Variants in TTC39C observed in about 807,000 individuals in gnomAD.
TTC39C encodes tetratricopeptide repeat domain 39C, also known as tetratricopeptide repeat protein 39C.
A neutral mutation model predicts 76.3 loss-of-function variants in TTC39C; 33 were observed. That is an observed-to-expected ratio of 0.43 (90% confidence interval 0.33 to 0.58). The LOEUF is 0.58. TTC39C is among the 20% of genes least tolerant of loss of function. The pLI is 0.04. For synonymous variants in TTC39C, 254 were observed against 260.6 expected (o/e 0.97, Z 0.24); for missense variants, 595 against 701.4 (o/e 0.85, Z 1.71).
intron 1 of TTC39C, among the ~76,000 whole-genome samples, chr18:24,036,527 G>A (rs534252505): frequency 2.0e-5 from 3 of 152,324 alleles, no homozygotes; most frequent in African/African-American, 4.8e-5. Context: ...TTGTTAGTGT[G>A]TAGAAATACA....
Position 24,080,934 on chromosome 18 carries a change from A to AGCT in TTC39C, c.811_813dup (p.Ala271dup). On this transcript the variant is annotated inframe_insertion, in exon 5 of 14. Coordinates refer to ENST00000317571, the MANE Select transcript of TTC39C (RefSeq NM_001135993.2). ...AAAGTAAGGACATGAAGGCCCCTTT[A>AGCT]GCTACGTGAGTAGCTGTATTGCAAT... 1 of 1,610,788 alleles carries AGCT rather than the reference A, an allele frequency of 6.2e-7. No homozygotes were observed. Among genetic ancestry groups the AGCT allele is most frequent in the South Asian group, 1.1e-5 (1 of 90,632 alleles).
chr18:24,043,400 T>C (rs539902832), intron 1 of TTC39C, among the ~76,000 whole-genome samples: 67 of 152,258 alleles, frequency 4.4e-4, no homozygotes, highest in African/African-American at 1.6e-3. Context: ...CATTCTTTTT[T>C]CCCTACCCCT....
chr18:24,120,909 A>G (rs984336642), intron 8 of TTC39C: 6 of 152,208 alleles, frequency 3.9e-5, no homozygotes, highest in African/African-American at 1.2e-4. Flanking sequence ...CATTGCATGT[A>G]TATGGCACAT....
rs1223802758 is a variant in TTC39C, at chr18:24,116,663, A to G, written c.1079-1462A>G. ...CTCTTCCTCCCACGGTTTAAATGGC[A>G]AGTCTCAGTTTACACAATTACTTAG... On this transcript the variant is annotated intron_variant, in intron 7 of 13. Transcript: ENST00000317571. Among the ~76,000 whole-genome samples the G allele has an allele frequency of 2.0e-5, 3 of 152,300 alleles. No homozygotes were observed. The South Asian group carries it at 6.2e-4, about 32-fold the overall frequency.
chr18:24,023,969 TATATATATATAC>T (rs1568408874), intron 1 of TTC39C, among the ~76,000 whole-genome samples: 684 of 13,800 alleles, frequency 0.05, 153 homozygotes, highest in Non-Finnish European at 0.12. Context: ...TATATATATA[TATATATATATAC>T]ATATATATAT....
At chr18:24,007,365 T>G (rs2083362041) in intron 1 of TTC39C, among the ~76,000 whole-genome samples, 1 of 138,272 alleles carries the variant, frequency 7.2e-6, no homozygotes. Flanking sequence ...AACTCTAAAA[T>G]GTAGATATTT....
At chr18:24,105,505 T>C (rs1051622066) in intron 6 of TTC39C, among the ~76,000 whole-genome samples, 1 of 152,222 alleles carries the variant, frequency 6.6e-6, no homozygotes, top group East Asian at 1.9e-4. Context: ...CACACACACA[T>C]GCCTGCACAT....
At chr18:24,014,621 G>A, upstream of TTC39C, 1 of 377,910 alleles carries the variant, frequency 2.6e-6, no homozygotes, top group Non-Finnish European at 4.2e-6. Context: ...CGCGAGAGGA[G>A]CGGGCGGGTG....
At chr18:24,065,886 A>T (rs142108175) in intron 2 of TTC39C, 126 bp from the exon 3 acceptor site, 1 of 985,784 alleles carries the variant, frequency 1.0e-6, no homozygotes, top group East Asian at 2.9e-5. Flanking sequence ...ATGCTGTAAC[A>T]TTGTGATTCT....
chr18:24,092,123 A>AAAAAAATAAT (rs1555775346), intron 6 of TTC39C, among the ~76,000 whole-genome samples: 1 of 50,526 alleles, frequency 2.0e-5, no homozygotes, highest in Non-Finnish European at 4.6e-5. Flanking sequence ...AAAAAAAAAA[A>AAAAAAATAAT]AATAATAATA....
rs974025172 is a variant in TTC39C at position 24,080,839 on chromosome 18, A to C, written c.715A>C (p.Lys239Gln). The change falls in exon 5 of 14, where the codon AAA becomes CAA. Residue 239 changes from lysine to glutamine, a missense_variant. By Grantham distance (53) the Lys-to-Gln change is moderately conservative (BLOSUM62 1). Coordinates refer to ENST00000317571, the MANE Select transcript of TTC39C (RefSeq NM_001135993.2). ...ATCCATGGTGCCCCCAAACCTGCTC[A>C]AAATCATCAACCTGCTGGGTTTTCC... ...CISMVPPNLL[K>Q]IINLLGFPGD... 6.8e-6 allele frequency: 11 copies of C among 1,614,026 alleles called. No homozygotes were observed. In the African/African-American group the frequency reaches 1.2e-4, roughly 18 times the overall value.
At chr18:24,001,397 T>A (rs1214589466) in intron 1 of TTC39C, among the ~76,000 whole-genome samples, 7 of 152,212 alleles carry the variant, frequency 4.6e-5, no homozygotes, top group Admixed American at 1.3e-4. Context: ...TGATTCTAGA[T>A]ATTCGCTCTC....
chr18:24,021,883 G>A (rs2083522014), intron 1 of TTC39C, among the ~76,000 whole-genome samples: 1 of 152,156 alleles, frequency 6.6e-6, no homozygotes, highest in Non-Finnish European at 1.5e-5. Context: ...AAAAGTCTGT[G>A]TTCACAGAGT....
chr18:24,021,631 C>T (rs566575000), intron 1 of TTC39C, among the ~76,000 whole-genome samples: 17 of 151,146 alleles, frequency 1.1e-4, no homozygotes, highest in African/African-American at 2.9e-4. Context: ...CTGCAACCTC[C>T]GCCTCCTGGG....
At chr18:24,122,514 A>AAAAAAAAAT (rs1422270934) in intron 8 of TTC39C, among the ~76,000 whole-genome samples, 3 of 150,722 alleles carry the variant, frequency 2.0e-5, no homozygotes, top group Non-Finnish European at 4.4e-5. Context: ...AAAAAAAAAA[A>AAAAAAAAAT]AAAAAAGAAG....
At chr18:24,073,985 A>T (rs1450724040) in intron 4 of TTC39C, among the ~76,000 whole-genome samples, 2 of 152,196 alleles carry the variant, frequency 1.3e-5, no homozygotes, top group African/African-American at 4.8e-5. Flanking sequence ...CCTCTTCCCC[A>T]CATATGTTGA....
At chr18:24,058,508 A>C (rs1028538535) in intron 1 of TTC39C, among the ~76,000 whole-genome samples, 14 of 152,060 alleles carry the variant, frequency 9.2e-5, no homozygotes, top group African/African-American at 3.4e-4. Context: ...TACAAAAATT[A>C]GCCGGGTGTG....
At position 24,130,330 on chromosome 18, in the gene TTC39C, TA is replaced by T; in HGVS notation, c.1539del (p.Asp514MetfsTer24). 6.3e-7 allele frequency: 1 copy of T among 1,581,258 alleles called. No homozygotes were observed. Among genetic ancestry groups the T allele is most frequent in the Non-Finnish European group, 8.6e-7 (1 of 1,165,064 alleles). ...CCTTTCAGTACTTCCAGCGAGCTGT[TA>T]AAGATGAATTGTGTCGTCAGAATAA... is the stretch of plus-strand genomic sequence containing the variant. ...DAVQYFQRAVKDELCRQNNLY... is the reference protein window; with the variant it reads ...DAVQYFQRAVXDELCRQNNLY... On this transcript the variant is annotated frameshift_variant, in exon 12 of 14. Coordinates refer to ENST00000317571, the MANE Select transcript of TTC39C (RefSeq NM_001135993.2). LOFTEE classifies it high-confidence loss of function.
intron 6 of TTC39C, among the ~76,000 whole-genome samples, chr18:24,108,290 G>T (rs189242550): frequency 2.6e-5 from 4 of 152,316 alleles, no homozygotes; most frequent in Middle Eastern, 3.4e-3. Flanking sequence ...TGATTTGGAG[G>T]TGGCACAAAA....
Sources: gnomAD v4.1 joint callset for allele counts (sites outside exome capture counted in the v4.1 genomes callset) on GRCh38, gnomAD v4.1.1 for gene constraint, MANE v1.5 for transcripts, NCBI Gene and HGNC (gene_info 2026-07-23, HGNC 2026-07-21) for gene names.